The following AP3B1 variants were observed in gnomAD, a reference collection of about 807,000 sequenced individuals.
AP3B1 encodes AP-3 complex subunit beta-1.
AP3B1 carries 61 observed loss-of-function variants against 132.5 expected under a neutral mutation model. The observed-to-expected ratio is 0.46, with a 90% CI of 0.37 to 0.57. AP3B1 has a LOEUF of 0.57. Among genes scored for constraint, AP3B1 ranks in the 20% least tolerant of loss-of-function variants. AP3B1 has a pLI of 0.00. For synonymous variants in AP3B1, 388 were observed against 438.3 expected (o/e 0.89, Z 1.43); for missense variants, 1,120 against 1,289.4 (o/e 0.87, Z 2.01).
intron 7 of AP3B1, among the ~76,000 whole-genome samples, chr5:78,198,543 T>C (rs1366280776): frequency 1.3e-5 from 2 of 152,188 alleles, no homozygotes; most frequent in Non-Finnish European, 2.9e-5. Flanking sequence ...CCCACTCTCA[T>C]GACTTCCTCT....
chr5:78,290,180 C>T (rs1749451934), intron 1 of AP3B1, among the ~76,000 whole-genome samples: 1 of 152,204 alleles, frequency 6.6e-6, no homozygotes, highest in Non-Finnish European at 1.5e-5. Context: ...AACAAGGAAG[C>T]ACTACTACAA....
chr5:78,088,661 C>A (rs944848838), intron 22 of AP3B1, among the ~76,000 whole-genome samples: 6 of 152,136 alleles, frequency 3.9e-5, no homozygotes, highest in Non-Finnish European at 8.8e-5. Flanking sequence ...CCCATCAAAG[C>A]TTACTATTCT....
At chr5:78,063,874 T>C (rs2054969) in intron 22 of AP3B1, among the ~76,000 whole-genome samples, 1 of 152,148 alleles carries the variant, frequency 6.6e-6, no homozygotes, top group Admixed American at 6.5e-5. Flanking sequence ...TAATTTTTTT[T>C]AAAAATGATA....
At position 78,116,139 on chromosome 5, in the gene AP3B1, A is replaced by G; in HGVS notation, c.2064T>C (p.Ser688=). The part of the protein sequence containing the change: ...ESEEEEDSSD[S]SSDSESESGS... ...TATAAAACCCACCACTGTCACTGCT[A>G]CTATCAGAAGAGTCCTCCTCTTCCT... The change falls in exon 18 of 27, where the codon AGT becomes AGC. Residue 688 remains serine (S), a synonymous_variant. Transcript: ENST00000255194. 2 of 1,611,338 alleles carry G rather than the reference A, an allele frequency of 1.2e-6. No homozygotes were observed. Among genetic ancestry groups the G allele is most frequent in the African/African-American group, 2.7e-5 (2 of 74,974 alleles).
At chr5:78,272,149 T>G (rs1748573139) in intron 1 of AP3B1, among the ~76,000 whole-genome samples, 1 of 152,228 alleles carries the variant, frequency 6.6e-6, no homozygotes, top group African/African-American at 2.4e-5. Context: ...CAATAACAAC[T>G]TAACTCTTTC....
Position 78,157,620 on chromosome 5 carries a change from A to C in AP3B1, c.1364-1253T>G, listed in dbSNP as rs539302921. Among the ~76,000 whole-genome samples the C allele has an allele frequency of 1.2e-4, 19 of 152,342 alleles. No homozygotes were observed. In the South Asian group the frequency reaches 3.9e-3, roughly 32 times the overall value. On this transcript the variant is annotated intron_variant, in intron 13 of 26. Transcript: ENST00000255194. ...TTAATGCTAATGATGCCAAAGAAAT[A>C]AATCAACATTGCCTTTACTTATTAT... is the stretch of plus-strand genomic sequence containing the variant.
intron 24 of AP3B1, among the ~76,000 whole-genome samples, chr5:78,033,931 T>A (rs866713290): frequency 6.6e-6 from 1 of 151,956 alleles, no homozygotes; most frequent in African/African-American, 2.4e-5. Flanking sequence ...GCATCAATAA[T>A]ATTCCACTTA....
chr5:78,047,875 G>C (rs144817823), intron 22 of AP3B1, among the ~76,000 whole-genome samples: 84 of 152,246 alleles, frequency 5.5e-4, no homozygotes, highest in African/African-American at 2.0e-3. Context: ...CTTGTAAGTA[G>C]GGTAACATCT....
At chr5:78,185,501 A>G (rs1744567653) in intron 7 of AP3B1, among the ~76,000 whole-genome samples, 1 of 152,230 alleles carries the variant, frequency 6.6e-6, no homozygotes, top group Non-Finnish European at 1.5e-5. Context: ...TAACATGAGG[A>G]CATCAGTAGA....
chr5:78,172,082 A>C lies in AP3B1; in HGVS notation c.1167+3544T>G, dbSNP rs1260846356. ...GTTGAACCAGCCTTGCATCCCAGGGAAGAATCCATCTTGACTGTGGTGGAT... is the reference window on the plus strand; with the variant it reads ...GTTGAACCAGCCTTGCATCCCAGGGCAGAATCCATCTTGACTGTGGTGGAT... On this transcript the variant is annotated intron_variant, in intron 11 of 26. Transcript: ENST00000255194. Among the ~76,000 whole-genome samples, 3 of 152,184 alleles carry C rather than the reference A, an allele frequency of 2.0e-5. No individual in the cohort carries two copies. In the East Asian group the frequency reaches 5.8e-4, roughly 29 times the overall value.
At chr5:78,108,019 C>T (rs573230899) in intron 20 of AP3B1, among the ~76,000 whole-genome samples, 6 of 152,180 alleles carry the variant, frequency 3.9e-5, no homozygotes, top group Non-Finnish European at 8.8e-5. Flanking sequence ...ATATTCTCTC[C>T]CAACAAGTAG....
intron 1 of AP3B1, among the ~76,000 whole-genome samples, chr5:78,279,890 TATATATATATGACTTAA>T (rs1179759480): frequency 5.7e-5 from 8 of 139,264 alleles, no homozygotes; most frequent in East Asian, 2.0e-4. Flanking sequence ...ATGACTTAAA[TATATATATATGACTTAA>T]ATATATATAT....
In AP3B1 at chr5:78,067,922, T is replaced by C. The variant is rs141213429; in HGVS notation, c.2577+21471A>G. Among the ~76,000 whole-genome samples the C allele has an allele frequency of 8.5e-4, 128 of 151,118 alleles. No homozygotes were observed. In the East Asian group the frequency reaches 9.0e-3, roughly 11 times the overall value. Reference sequence around the variant, plus strand: ...AGAAATAACCAAGATCAGAGCAGAATTGAAGGAGACAGACACATGAAAAAC... The same window carrying C: ...AGAAATAACCAAGATCAGAGCAGAACTGAAGGAGACAGACACATGAAAAAC... On this transcript the variant is annotated intron_variant, in intron 22 of 26. Transcript: ENST00000255194.
chr5:78,180,102 C>G (rs116097171), intron 8 of AP3B1, among the ~76,000 whole-genome samples: 2,256 of 152,124 alleles, frequency 0.015, 59 homozygotes, highest in African/African-American at 0.051. Flanking sequence ...TCTGGCTAAG[C>G]TGAGTACATT....
At chr5:78,026,376 T>A (rs998739438) in intron 24 of AP3B1, among the ~76,000 whole-genome samples, 1 of 152,194 alleles carries the variant, frequency 6.6e-6, no homozygotes, top group East Asian at 1.9e-4. Context: ...GATTCCTTTA[T>A]AGGATCCAAA....
intron 11 of AP3B1, among the ~76,000 whole-genome samples, chr5:78,168,059 C>T (rs141466440): frequency 4.7e-5 from 7 of 147,994 alleles, no homozygotes; most frequent in East Asian, 2.0e-4. Context: ...ATGATCTAAA[C>T]GCTCCAATTA....
At chr5:78,250,747 T>C (rs1377027076) in intron 2 of AP3B1, among the ~76,000 whole-genome samples, 1 of 152,108 alleles carries the variant, frequency 6.6e-6, no homozygotes, top group Admixed American at 6.6e-5. Context: ...ACTCATATTC[T>C]TAGTGAGATT....
intron 1 of AP3B1, among the ~76,000 whole-genome samples, chr5:78,277,874 T>A (rs1455661154): frequency 6.6e-6 from 1 of 152,216 alleles, no homozygotes; most frequent in East Asian, 1.9e-4. Context: ...TGTCTTCATA[T>A]CATTCATATG....
intron 26 of AP3B1, among the ~76,000 whole-genome samples, chr5:78,009,810 A>C (rs1011665318): frequency 1.3e-5 from 2 of 152,198 alleles, no homozygotes; most frequent in Non-Finnish European, 2.9e-5. Context: ...AAGGAATATC[A>C]GTAGTGAATA....
Sources: allele counts gnomAD v4.1 joint callset (sites outside exome capture counted in the v4.1 genomes callset), GRCh38; gene constraint gnomAD v4.1.1; transcripts MANE v1.5; gene names NCBI Gene and HGNC (gene_info 2026-07-23, HGNC 2026-07-21).